Variants in RHBDD1 observed in about 807,000 individuals in gnomAD.
RHBDD1 encodes rhomboid-related protein 4.
Under a neutral mutation model 36.3 loss-of-function variants are expected in RHBDD1, and 38 were observed. That is an observed-to-expected ratio of 1.05 (90% CI 0.81 to 1.37). The LOEUF is 1.37. Among genes scored for constraint, RHBDD1 ranks in the 40% most tolerant of loss-of-function variants. The pLI, the probability that RHBDD1 is intolerant of heterozygous loss-of-function variation, is 0.00. For synonymous variants in RHBDD1, 151 were observed against 136.5 expected (o/e 1.11, Z -0.74); for missense variants, 393 against 377.6 (o/e 1.04, Z -0.34).
At chr2:226,860,065 G>A (rs1406952779) in intron 3 of RHBDD1, among the ~76,000 whole-genome samples, 1 of 152,206 alleles carries the variant, frequency 6.6e-6, no homozygotes, top group East Asian at 1.9e-4. Flanking sequence ...TTTGGGGGTA[G>A]CAGGGTGATA....
intron 8 of RHBDD1, among the ~76,000 whole-genome samples, chr2:226,928,635 GA>G (rs940016180): frequency 6.6e-6 from 1 of 150,692 alleles, no homozygotes; most frequent in African/African-American, 2.4e-5. Flanking sequence ...GCTAGAAGAA[GA>G]AAAAAAATAA....
rs1351215259 is a variant in RHBDD1, at chr2:226,867,252, G to A, written c.500G>A (p.Gly167Asp). 2 of 1,613,572 alleles carry A rather than the reference G, an allele frequency of 1.2e-6. No individual in the cohort carries two copies. The highest frequency in any genetic ancestry group is 3.3e-5 in the Admixed American group (2 of 59,954). Residue 167 changes from glycine (G) to aspartate (D), a missense_variant, in exon 5 of 9, where the codon GGC becomes GAC. Physicochemically the swap from Gly to Asp is moderately conservative, Grantham distance 94. Coordinates refer to ENST00000392062, the MANE Select transcript of RHBDD1 (RefSeq NM_001167608.3). ...CCTGGAGGCTTTGTCAACATTTTGG[G>A]CTTTCCTGTACCGAACAGATTTGCT... ...YCPGGFVNILGFPVPNRFACW... is the reference protein window; with the variant it reads ...YCPGGFVNILDFPVPNRFACW...
chr2:226,917,282 G>A (rs1948980884), intron 8 of RHBDD1, among the ~76,000 whole-genome samples: 2 of 151,970 alleles, frequency 1.3e-5, no homozygotes, highest in South Asian at 2.1e-4. Context: ...AAAACTTCTT[G>A]TAAAAATAAC....
the RHBDD1 span, among the ~76,000 whole-genome samples, chr2:226,819,862 A>C: frequency 2.5e-3 from 380 of 152,204 alleles, 5 homozygotes; most frequent in African/African-American, 8.7e-3. Context: ...TCCCCTCATT[A>C]CTTTCACTCC....
chr2:226,922,877 C>T (rs1197049410), intron 8 of RHBDD1, among the ~76,000 whole-genome samples: 1 of 150,666 alleles, frequency 6.6e-6, no homozygotes, highest in Non-Finnish European at 1.5e-5. Flanking sequence ...AACAAACAAG[C>T]AAGCAAGCAA....
intron 8 of RHBDD1, among the ~76,000 whole-genome samples, chr2:226,994,450 C>T (rs1026924275): frequency 2.6e-5 from 4 of 152,178 alleles, no homozygotes; most frequent in Admixed American, 2.0e-4. Flanking sequence ...TTGGTTCTAT[C>T]GGGGTTGACC....
the RHBDD1 span, among the ~76,000 whole-genome samples, chr2:226,814,742 G>C: frequency 1.3e-5 from 2 of 152,180 alleles, no homozygotes; most frequent in Non-Finnish European, 2.9e-5. Flanking sequence ...TTTTAATCCT[G>C]AGCAACGGGT....
chr2:226,925,445 T>A (rs1949600356), intron 8 of RHBDD1, among the ~76,000 whole-genome samples: 1 of 152,148 alleles, frequency 6.6e-6, no homozygotes, highest in Non-Finnish European at 1.5e-5. Flanking sequence ...GAAAATATGA[T>A]TACAACATAA....
chr2:226,984,180 C>T (rs1369291366), intron 8 of RHBDD1, among the ~76,000 whole-genome samples: 2 of 152,272 alleles, frequency 1.3e-5, no homozygotes, highest in Non-Finnish European at 2.9e-5. Context: ...CCAGCACCTG[C>T]TGAACTACCA....
intron 7 of RHBDD1, among the ~76,000 whole-genome samples, chr2:226,912,690 T>C (rs776285974): frequency 6.6e-6 from 1 of 152,142 alleles, no homozygotes; most frequent in Non-Finnish European, 1.5e-5. Context: ...AGTGCTTACT[T>C]AGAGCTGGAG....
At chr2:226,817,068 T>C in the RHBDD1 span, among the ~76,000 whole-genome samples, 1 of 152,234 alleles carries the variant, frequency 6.6e-6, no homozygotes, top group African/African-American at 2.4e-5. Flanking sequence ...CAGCTAATGC[T>C]TCCAGTGTCT....
At chr2:226,847,666 T>C (rs988300892) in intron 3 of RHBDD1, among the ~76,000 whole-genome samples, 7 of 152,186 alleles carry the variant, frequency 4.6e-5, no homozygotes, top group African/African-American at 1.7e-4. Flanking sequence ...ATGAAGATGA[T>C]TCTTTGGGTG....
At chr2:226,960,561 C>T (rs773535120) in intron 8 of RHBDD1, among the ~76,000 whole-genome samples, 4 of 152,126 alleles carry the variant, frequency 2.6e-5, no homozygotes, top group African/African-American at 9.7e-5. Context: ...TAGGTTATTT[C>T]GATGCTCTAA....
chr2:226,953,368 C>G (rs1194443642), intron 8 of RHBDD1, among the ~76,000 whole-genome samples: 1 of 152,104 alleles, frequency 6.6e-6, no homozygotes, highest in Admixed American at 6.6e-5. Context: ...AGTTTGAGAG[C>G]CAAATGGCAG....
intron 5 of RHBDD1, among the ~76,000 whole-genome samples, chr2:226,900,054 A>G (rs1349457949): frequency 1.3e-5 from 2 of 152,174 alleles, no homozygotes; most frequent in African/African-American, 4.8e-5. Flanking sequence ...CACCTCAATC[A>G]AGGGTTTTTA....
chr2:226,808,048 G>A, the RHBDD1 span, among the ~76,000 whole-genome samples: 311 of 152,186 alleles, frequency 2.0e-3, 2 homozygotes, highest in Middle Eastern at 6.8e-3. Context: ...AAGCTCTGTT[G>A]GAATAGACTG....
chr2:226,926,894 A>G (rs1218216533), intron 8 of RHBDD1, among the ~76,000 whole-genome samples: 2 of 151,922 alleles, frequency 1.3e-5, no homozygotes, highest in Non-Finnish European at 2.9e-5. Context: ...TGTATTATGC[A>G]CTTCTGTATA....
At chr2:226,828,990 CTT>C in the RHBDD1 span, among the ~76,000 whole-genome samples, 1 of 152,010 alleles carries the variant, frequency 6.6e-6, no homozygotes, top group Non-Finnish European at 1.5e-5. Flanking sequence ...CAAAGATTTT[CTT>C]TTGTGATTTT....
chr2:226,883,713 A>G lies in RHBDD1; in HGVS notation c.566+16395A>G, dbSNP rs202242973. ...GTGCGAGACTTGAGTACTATGTTGG[A>G]TGTCCCAGATAATGATGAGTGGAGG... On this transcript the variant is annotated intron_variant, in intron 5 of 8. Coordinates refer to ENST00000392062, the MANE Select transcript of RHBDD1 (RefSeq NM_001167608.3). 1.7e-4 allele frequency among the ~76,000 whole-genome samples: 26 copies of G among 152,288 alleles called. No homozygotes were observed. The East Asian group carries it at 3.7e-3, about 21-fold the overall frequency.
Sources: gnomAD v4.1 joint callset for allele counts (sites outside exome capture counted in the v4.1 genomes callset) on GRCh38, gnomAD v4.1.1 for gene constraint, MANE v1.5 for transcripts, NCBI Gene and HGNC (gene_info 2026-07-23, HGNC 2026-07-21) for gene names.